ASAP1: variants seen among roughly 807,000 people sequenced by gnomAD.
ASAP1 encodes arf-GAP with SH3 domain, ANK repeat and PH domain-containing protein 1.
A neutral mutation model predicts 145.2 loss-of-function variants in ASAP1; 43 were observed. The ratio of observed to expected loss-of-function variants is 0.30; its 90% CI spans 0.23 to 0.38. The LOEUF is 0.38. Among genes scored for constraint, ASAP1 ranks in the 10% least tolerant of loss-of-function variants. The probability of loss-of-function intolerance (pLI) is 1.00; values close to 1 mark genes in which losing one functional copy is unlikely to be tolerated. For missense variants in ASAP1, 1,018 were observed against 1,355.3 expected, an observed-to-expected ratio of 0.75 and a Z score of 3.91; for synonymous variants, 546 against 515.5, an observed-to-expected ratio of 1.06 and a Z score of -0.80.
chr8:130,348,481 C>T (rs1825819920), intron 3 of ASAP1, among the ~76,000 whole-genome samples: 1 of 152,182 alleles, frequency 6.6e-6, no homozygotes, highest in South Asian at 2.1e-4. Flanking sequence ...TCAGTTCTTA[C>T]ACAACTGACC....
At chr8:130,363,508 A>G (rs1826811811) in intron 2 of ASAP1, among the ~76,000 whole-genome samples, 1 of 151,972 alleles carries the variant, frequency 6.6e-6, no homozygotes, top group Admixed American at 6.6e-5. Context: ...TTTATAAAGT[A>G]AGTATATTTA....
intron 3 of ASAP1, among the ~76,000 whole-genome samples, chr8:130,331,469 A>G (rs1824684568): frequency 6.6e-6 from 1 of 152,206 alleles, no homozygotes; most frequent in Admixed American, 6.5e-5. Flanking sequence ...TGTTAAGTAA[A>G]GCAAGTCACA....
At chr8:130,373,149 C>CACAG (rs1200100822) in intron 2 of ASAP1, among the ~76,000 whole-genome samples, 1 of 144,420 alleles carries the variant, frequency 6.9e-6, no homozygotes, top group Non-Finnish European at 1.5e-5. Flanking sequence ...CACACACACA[C>CACAG]AGAGTCTCAT....
chr8:130,102,766 G>A (rs976747456), intron 24 of ASAP1, among the ~76,000 whole-genome samples: 8 of 152,108 alleles, frequency 5.3e-5, no homozygotes, highest in African/African-American at 1.9e-4. Context: ...ACTCACTGCA[G>A]CTTTGACCTC....
At chr8:130,105,456 G>A (rs2097535362) in intron 24 of ASAP1, among the ~76,000 whole-genome samples, 1 of 152,124 alleles carries the variant, frequency 6.6e-6, no homozygotes, top group African/African-American at 2.4e-5. Flanking sequence ...ATTACTTCAC[G>A]TATGCATCTT....
intron 1 of ASAP1, among the ~76,000 whole-genome samples, chr8:130,424,310 G>A (rs1196755759): frequency 2.0e-5 from 3 of 152,088 alleles, no homozygotes; most frequent in East Asian, 1.9e-4. Flanking sequence ...GGAGGACTCC[G>A]GCCCACCCCC....
intron 4 of ASAP1, among the ~76,000 whole-genome samples, chr8:130,222,255 T>C (rs564139744): frequency 6.7e-6 from 1 of 149,754 alleles, no homozygotes; most frequent in African/African-American, 2.6e-5. Context: ...TTTATCTAAC[T>C]GACACTATGT....
intron 12 of ASAP1, among the ~76,000 whole-genome samples, chr8:130,158,767 T>G (rs2097663099): frequency 6.6e-6 from 1 of 151,812 alleles, no homozygotes; most frequent in South Asian, 2.1e-4. Context: ...TGTCTCGCAC[T>G]GTTGCCCAGG....
intron 3 of ASAP1, among the ~76,000 whole-genome samples, chr8:130,249,969 T>C (rs1040364885): frequency 6.6e-6 from 1 of 152,174 alleles, no homozygotes; most frequent in Non-Finnish European, 1.5e-5. Context: ...CTAGGAACAT[T>C]ATTCTTCTCT....
At chr8:130,321,973 GA>G (rs1185169300) in intron 3 of ASAP1, among the ~76,000 whole-genome samples, 2 of 152,200 alleles carry the variant, frequency 1.3e-5, no homozygotes, top group Non-Finnish European at 2.9e-5. Context: ...ATCTCAATCT[GA>G]CTTCTAGCAA....
intron 18 of ASAP1, among the ~76,000 whole-genome samples, chr8:130,120,411 C>CA (rs1484738408): frequency 6.6e-6 from 1 of 152,234 alleles, no homozygotes; most frequent in African/African-American, 2.4e-5. Flanking sequence ...CACTGAATCT[C>CA]AGTTTCTTTA....
At chr8:130,204,782 A>C (rs370961045) in intron 5 of ASAP1, among the ~76,000 whole-genome samples, 1 of 152,340 alleles carries the variant, frequency 6.6e-6, no homozygotes, top group African/African-American at 2.4e-5. Context: ...ACACGAGAAG[A>C]AAATAAACCA....
chr8:130,060,729 G>A lies in ASAP1; in HGVS notation c.3042C>T (p.Pro1014=). The part of the protein sequence containing the change: ...TGDVSPKAQQ[P]SEVTLKSHPL... ...GGTGTGACTTCAGTGTGACCTCAGA[G>A]GGTTGCTGAGCCTTGGGTGAGACAT... Residue 1014 remains proline (P), a synonymous_variant, in exon 28 of 30, where the codon CCC becomes CCT. Transcript: ENST00000518721. 1.2e-6 allele frequency: 2 copies of A among 1,614,182 alleles called. No individual in the cohort carries two copies. Among genetic ancestry groups the A allele is most frequent in the Non-Finnish European group, 1.7e-6 (2 of 1,180,046 alleles).
At chr8:130,336,273 C>A (rs948820527) in intron 3 of ASAP1, among the ~76,000 whole-genome samples, 7 of 152,128 alleles carry the variant, frequency 4.6e-5, no homozygotes, top group Non-Finnish European at 7.4e-5. Flanking sequence ...GGCATGTGTG[C>A]GGGAGCATGT....
At chr8:130,089,567 T>TA (rs2097501199) in intron 25 of ASAP1, among the ~76,000 whole-genome samples, 1 of 152,192 alleles carries the variant, frequency 6.6e-6, no homozygotes, top group African/African-American at 2.4e-5. Flanking sequence ...GTTGATCCCC[T>TA]AAGTGCCTTG....
At chr8:130,127,696 T>C (rs1200796319) in intron 16 of ASAP1, among the ~76,000 whole-genome samples, 1 of 151,998 alleles carries the variant, frequency 6.6e-6, no homozygotes, top group Non-Finnish European at 1.5e-5. Context: ...ATAGGAAAGG[T>C]AGTATTTTGG....
At chr8:130,108,277 G>T (rs2097540911) in intron 24 of ASAP1, among the ~76,000 whole-genome samples, 1 of 152,118 alleles carries the variant, frequency 6.6e-6, no homozygotes, top group African/African-American at 2.4e-5. Flanking sequence ...TATTGAGAAG[G>T]GCTATATAAT....
At chr8:130,384,209 T>C (rs772052974) in intron 2 of ASAP1, among the ~76,000 whole-genome samples, 4 of 152,124 alleles carry the variant, frequency 2.6e-5, no homozygotes, top group Non-Finnish European at 5.9e-5. Context: ...GACCTCAAGT[T>C]ACCAGCAGGG....
At position 130,229,756 on chromosome 8, in the gene ASAP1, T is replaced by C. The variant is rs183965800; in HGVS notation, c.259+7166A>G. Reference sequence around the variant, plus strand: ...CCTAAGGCTTTAAAAAACCCCAAAATAGGCTGGGCGTGCTGGCTCACACCT... The same window carrying C: ...CCTAAGGCTTTAAAAAACCCCAAAACAGGCTGGGCGTGCTGGCTCACACCT... On this transcript the variant is annotated intron_variant, in intron 4 of 29. Coordinates refer to ENST00000518721, the MANE Select transcript of ASAP1 (RefSeq NM_018482.4). Among the ~76,000 whole-genome samples the C allele has an allele frequency of 4.3e-4, 66 of 152,226 alleles. No homozygotes were observed. In the East Asian group the frequency reaches 5.6e-3, roughly 13 times the overall value.
Sources: allele counts gnomAD v4.1 joint callset (sites outside exome capture counted in the v4.1 genomes callset), GRCh38; gene constraint gnomAD v4.1.1; transcripts MANE v1.5; gene names NCBI Gene and HGNC (gene_info 2026-07-23, HGNC 2026-07-21).